NBAS: variants seen among roughly 807,000 people sequenced by gnomAD.
NBAS encodes the protein NAG/BC035112 fusion.
NBAS carries 219 observed loss-of-function variants against 302.5 expected under a neutral mutation model. That is an observed-to-expected ratio of 0.72 (90% CI 0.65 to 0.81). NBAS has a LOEUF of 0.81. NBAS is among the 30% of genes least tolerant of loss of function. The probability of loss-of-function intolerance (pLI) is 0.00; values close to 1 mark genes in which losing one functional copy is unlikely to be tolerated. For synonymous variants in NBAS, 1,118 were observed against 1,021.6 expected, an observed-to-expected ratio of 1.09 and a Z score of -1.80; for missense variants, 2,932 against 2,841.6, an observed-to-expected ratio of 1.03 and a Z score of -0.72.
chr2:14,876,412 T>G, the NBAS span, among the ~76,000 whole-genome samples: 1 of 152,256 alleles, frequency 6.6e-6, no homozygotes. Context: ...CAAATGATAC[T>G]AGGTCTAGGA....
At position 15,379,704 on chromosome 2, in the gene NBAS, T is replaced by C. The variant is rs1486469485; in HGVS notation, c.3488A>G (p.Tyr1163Cys). The part of the protein sequence containing the change: ...AGIAHKGKPH[Y>C]RVSYEKSIDL... ...AATACTCTTTTCGTAGCTGACCCTG[T>C]AGTGGGGTTTCCCTTTATGGGCTAT... Residue 1163 changes from tyrosine (Y) to cysteine (C), a missense_variant, in exon 30 of 52, where the codon TAC becomes TGC. Coordinates refer to ENST00000281513, the MANE Select transcript of NBAS (RefSeq NM_015909.4). The C allele has an allele frequency of 2.5e-6, 4 of 1,614,058 alleles. No homozygotes were observed. Among genetic ancestry groups the C allele is most frequent in the South Asian group, 1.1e-5 (1 of 91,082 alleles).
At chr2:15,500,465 T>C (rs1300157431) in intron 11 of NBAS, among the ~76,000 whole-genome samples, 2 of 149,964 alleles carry the variant, frequency 1.3e-5, no homozygotes, top group Non-Finnish European at 3.0e-5. Flanking sequence ...CCTCAAGAAG[T>C]TTACTAGATA....
intron 44 of NBAS, among the ~76,000 whole-genome samples, chr2:15,274,931 A>AT (rs541507520): frequency 2.1e-3 from 288 of 140,066 alleles, no homozygotes; most frequent in East Asian, 4.2e-3. Flanking sequence ...CACCCAGGTA[A>AT]TTTTTTTTTT....
intron 44 of NBAS, among the ~76,000 whole-genome samples, chr2:15,250,746 A>C (rs1020993073): frequency 5.9e-5 from 9 of 152,252 alleles, no homozygotes; most frequent in Non-Finnish European, 8.8e-5. Context: ...ATGCAAATCA[A>C]AACCACAATG....
At chr2:15,545,051 G>A (rs1388440566) in intron 6 of NBAS, among the ~76,000 whole-genome samples, 1 of 151,608 alleles carries the variant, frequency 6.6e-6, no homozygotes, top group Non-Finnish European at 1.5e-5. Flanking sequence ...CTATACCCAA[G>A]AACCAAATTC....
chr2:15,357,433 A>G (rs946097367), intron 32 of NBAS, among the ~76,000 whole-genome samples: 1 of 152,194 alleles, frequency 6.6e-6, no homozygotes, highest in Non-Finnish European at 1.5e-5. Context: ...TTTAATGAGC[A>G]TAAGTTTACT....
chr2:15,342,631 T>C (rs748369322), intron 35 of NBAS, among the ~76,000 whole-genome samples: 3 of 151,900 alleles, frequency 2.0e-5, no homozygotes, highest in Non-Finnish European at 4.4e-5. Context: ...GATCAGAGAA[T>C]AGAAAGATCA....
intron 42 of NBAS, among the ~76,000 whole-genome samples, chr2:15,284,945 C>A (rs1376309063): frequency 6.6e-6 from 1 of 152,206 alleles, no homozygotes; most frequent in Non-Finnish European, 1.5e-5. Flanking sequence ...CAGCCTTGCA[C>A]ATCACTCGAT....
chr2:15,256,520 C>G (rs1351934937), intron 44 of NBAS, among the ~76,000 whole-genome samples: 1 of 152,082 alleles, frequency 6.6e-6, no homozygotes, highest in Non-Finnish European at 1.5e-5. Context: ...TCTTCTTTAC[C>G]AATATGGACA....
intron 48 of NBAS, among the ~76,000 whole-genome samples, chr2:15,208,414 G>A (rs1304315832): frequency 1.3e-5 from 2 of 152,102 alleles, no homozygotes; most frequent in African/African-American, 4.8e-5. Context: ...GATTTGGTTG[G>A]GGACATAGCC....
the NBAS span, among the ~76,000 whole-genome samples, chr2:14,808,933 C>T: frequency 6.6e-6 from 1 of 152,180 alleles, no homozygotes; most frequent in Non-Finnish European, 1.5e-5. Flanking sequence ...GCAAAGATGA[C>T]TTTTCTTGTG....
the NBAS span, among the ~76,000 whole-genome samples, chr2:14,792,157 C>T: frequency 6.6e-6 from 1 of 152,156 alleles, no homozygotes; most frequent in East Asian, 1.9e-4. Flanking sequence ...AATAACACTG[C>T]ACAGGTTCTG....
intron 38 of NBAS, among the ~76,000 whole-genome samples, chr2:15,316,304 C>A (rs1266248542): frequency 2.0e-5 from 3 of 152,168 alleles, no homozygotes; most frequent in Admixed American, 1.3e-4. Flanking sequence ...GCAGCGTGAT[C>A]GATGCAGAAC....
At chr2:15,078,853 C>T in the NBAS span, among the ~76,000 whole-genome samples, 4 of 152,108 alleles carry the variant, frequency 2.6e-5, no homozygotes, top group African/African-American at 9.7e-5. Context: ...ATAACAAAAT[C>T]GGGATCAAAG....
intron 47 of NBAS, among the ~76,000 whole-genome samples, chr2:15,230,796 G>A (rs889357848): frequency 5.9e-5 from 9 of 152,170 alleles, no homozygotes; most frequent in African/African-American, 2.2e-4. Flanking sequence ...GACAAGCTGG[G>A]AGTGAGATGG....
the NBAS span, among the ~76,000 whole-genome samples, chr2:15,159,805 A>G: frequency 2.2e-5 from 2 of 92,946 alleles, no homozygotes; most frequent in African/African-American, 1.5e-4. Flanking sequence ...ACACGCGTGC[A>G]CACACACACA....
At chr2:15,299,469 T>C (rs146198981) in intron 40 of NBAS, among the ~76,000 whole-genome samples, 1 of 152,324 alleles carries the variant, frequency 6.6e-6, no homozygotes, top group East Asian at 1.9e-4. Context: ...TAATATTATT[T>C]CGAAAGTTTT....
the NBAS span, among the ~76,000 whole-genome samples, chr2:14,855,834 T>G: frequency 6.6e-6 from 1 of 152,170 alleles, no homozygotes; most frequent in African/African-American, 2.4e-5. Flanking sequence ...CACTTAGGGC[T>G]TGTGAGACCT....
At chr2:15,468,657 G>C (rs892389841) in intron 16 of NBAS, 124 bp from the exon 17 acceptor site, 4 of 1,123,846 alleles carry the variant, frequency 3.6e-6, no homozygotes, top group Non-Finnish European at 5.3e-6. Flanking sequence ...CTTGGCCATA[G>C]GGAGCTGCTA....
Sources: gnomAD v4.1 joint callset for allele counts (sites outside exome capture counted in the v4.1 genomes callset) on GRCh38, gnomAD v4.1.1 for gene constraint, MANE v1.5 for transcripts, NCBI Gene and HGNC (gene_info 2026-07-23, HGNC 2026-07-21) for gene names.